The following GLIPR1 variants were observed in gnomAD, a reference collection of about 807,000 sequenced individuals.
The protein encoded by GLIPR1 is GLI pathogenesis related 1, also known as glioma pathogenesis-related protein 1.
In GLIPR1, 38 loss-of-function variants were observed where a neutral mutation model predicts 30.3. The ratio of observed to expected loss-of-function variants is 1.26; its 90% confidence interval spans 0.97 to 1.65. The LOEUF (loss-of-function observed/expected upper bound fraction) is 1.65, where lower values mean the gene tolerates loss of function less well. Ranked by LOEUF, GLIPR1 falls within the 40% of genes most tolerant of loss-of-function variation. The probability of loss-of-function intolerance (pLI) is 0.00; values close to 1 mark genes in which losing one functional copy is unlikely to be tolerated. For synonymous variants in GLIPR1, 122 were observed against 110.6 expected (o/e 1.10, Z -0.65); for missense variants, 285 against 326.5 (o/e 0.87, Z 0.98).
rs1017749974 is a variant in GLIPR1, at chr12:75,500,721, A to G, written c.*1743A>G. The G allele has an allele frequency of 9.2e-5, 14 of 152,026 alleles. No homozygotes were observed. Among genetic ancestry groups the G allele is most frequent in the African/African-American group, 3.1e-4 (13 of 41,424 alleles). The allele number at this position is 152,026 out of a possible 1,614,324, so 9.4% of individuals were successfully genotyped here. Reference sequence around the variant, plus strand: ...AAAAAGAATGCAACTTTTTCTTACCATTCAAAGTACAGGATCACAGCATAA... The same window carrying G: ...AAAAAGAATGCAACTTTTTCTTACCGTTCAAAGTACAGGATCACAGCATAA... On this transcript the variant is annotated 3_prime_UTR_variant, in exon 6 of 6. Transcript: ENST00000266659.
Position 75,488,551 on chromosome 12 carries a change from C to A in GLIPR1, c.421-1855C>A, listed in dbSNP as rs924196865. On this transcript the variant is annotated intron_variant, in intron 2 of 5. Transcript: ENST00000266659. ...AAACTCCGTCTCAAAAACAAACAAA[C>A]AAAAAAACAAAACCACAACAAAAAA... Among the ~76,000 whole-genome samples, 3 of 151,654 alleles carry A rather than the reference C, an allele frequency of 2.0e-5. No homozygotes were observed. The South Asian group carries it at 6.2e-4, about 31-fold the overall frequency.
At chr12:75,493,812 G>A (rs1472140046) in intron 3 of GLIPR1, 1 of 152,112 alleles carries the variant, frequency 6.6e-6, no homozygotes, top group African/African-American at 2.4e-5. Flanking sequence ...CCAGTAGCAT[G>A]TTTCTCCCAA....
intron 1 of GLIPR1, 21 bp downstream of exon 1, chr12:75,481,075 T>A (rs1175129597): frequency 6.3e-7 from 1 of 1,583,358 alleles, no homozygotes; most frequent in East Asian, 2.3e-5. Flanking sequence ...TATCATTAAT[T>A]GTGGCGTCAG....
At chr12:75,490,195 T>TCACACACACACACACAAACACA (rs2046313285) in intron 2 of GLIPR1, among the ~76,000 whole-genome samples, 1 of 141,608 alleles carries the variant, frequency 7.1e-6, no homozygotes, top group Non-Finnish European at 1.5e-5. Flanking sequence ...TTATCTTATT[T>TCACACACACACACACAAACACA]CACACACACA....
intron 2 of GLIPR1, chr12:75,487,797 G>A (rs906748413): frequency 5.0e-5 from 23 of 456,248 alleles, no homozygotes; most frequent in African/African-American, 3.4e-4. Flanking sequence ...AATCTCGCGC[G>A]AGAAAATCCA....
intron 2 of GLIPR1, among the ~76,000 whole-genome samples, chr12:75,485,534 T>C (rs1409077825): frequency 1.2e-4 from 1 of 8,022 alleles, no homozygotes; most frequent in Admixed American, 9.4e-4. Context: ...ACAGCTTTAT[T>C]TTATTTATTT....
chr12:75,481,843 C>T lies in GLIPR1; in HGVS notation c.184C>T (p.Pro62Ser), dbSNP rs201262620. 26 of 1,613,872 alleles carry T rather than the reference C, an allele frequency of 1.6e-5. No individual in the cohort carries two copies. The highest frequency in any genetic ancestry group is 1.8e-5 in the Non-Finnish European group (21 of 1,179,916). ...ATGTTTATTTTTGCAGACTTGGGAC[C>T]CAGCACTAGCCCAAATTGCAAAAGC... ...ASDMLYMTWD[P>S]ALAQIAKAWA... is the part of the protein sequence containing the mutation. The change falls in exon 2 of 6, where the codon CCA becomes TCA. Residue 62 changes from proline to serine, a missense_variant. Transcript: ENST00000266659.
chr12:75,491,700 A>G (rs888787602), intron 3 of GLIPR1: 1 of 152,156 alleles, frequency 6.6e-6, no homozygotes, highest in South Asian at 2.1e-4. Flanking sequence ...GATTACTAGT[A>G]ATTATAAATT....
Position 75,501,089 on chromosome 12 carries a change from G to GTTACT in GLIPR1, c.*2115_*2119dup, listed in dbSNP as rs1422082827. 6.6e-6 allele frequency: 1 copy of GTTACT among 152,116 alleles called. No individual in the cohort carries two copies. Among genetic ancestry groups the GTTACT allele is most frequent in the Non-Finnish European group, 1.5e-5 (1 of 68,036 alleles). 9.4% of individuals were successfully genotyped at this position (152,116 alleles called of 1,614,324 possible). A position where few individuals can be genotyped will look rare whatever the true frequency, so the allele number is the denominator to read the frequency against. ...AGTGTGTCACTGTTCACTTTGGAGG[G>GTTACT]TTACTTTAGGAAGAGGATAAGTGTT... is the stretch of plus-strand genomic sequence containing the variant. On this transcript the variant is annotated 3_prime_UTR_variant, in exon 6 of 6. Transcript: ENST00000266659.
At chr12:75,487,873 A>T in intron 2 of GLIPR1, 3 of 446,908 alleles carry the variant, frequency 6.7e-6, no homozygotes, top group South Asian at 4.8e-5. Context: ...TGGCTACTCC[A>T]TAGACAGAGC....
intron 3 of GLIPR1, chr12:75,493,680 C>T (rs574982739): frequency 6.6e-6 from 1 of 152,226 alleles, no homozygotes; most frequent in South Asian, 2.1e-4. Context: ...GGTCCCATAA[C>T]CCCAACCCTC....
In GLIPR1 at chr12:75,498,964, G is replaced by T. The variant is rs747895447; in HGVS notation, c.787G>T (p.Val263Phe). ...ILVQHKYPNL[V>F]LLD The stretch of plus-strand genomic sequence containing the variant: ...GGTACAGCACAAGTACCCTAATTTA[G>T]TTCTTTTGGACTAATACAATTCAGG... The change falls in exon 6 of 6, where the codon GTT (valine) becomes TTT (phenylalanine). Residue 263 changes from valine to phenylalanine, a missense_variant. Coordinates refer to ENST00000266659, the MANE Select transcript of GLIPR1 (RefSeq NM_006851.3). The T allele has an allele frequency of 1.3e-6, 2 of 1,593,910 alleles. No homozygotes were observed. Among genetic ancestry groups the T allele is most frequent in the South Asian group, 2.3e-5 (2 of 87,502 alleles).
chr12:75,487,489 C>T (rs781072822), intron 2 of GLIPR1, among the ~76,000 whole-genome samples: 2 of 152,198 alleles, frequency 1.3e-5, no homozygotes, highest in Admixed American at 6.5e-5. Context: ...TGGAGTTCCC[C>T]GCAGGGGGTT....
At chr12:75,484,328 TG>T (rs1180923179) in intron 2 of GLIPR1, 1 of 152,206 alleles carries the variant, frequency 6.6e-6, no homozygotes, top group Non-Finnish European at 1.5e-5. Flanking sequence ...CTCTCTACAC[TG>T]AAGACCTCAT....
chr12:75,501,148 T>A lies in GLIPR1; in HGVS notation c.*2170T>A, dbSNP rs1314349512. The A allele has an allele frequency of 6.6e-6, 1 of 152,306 alleles. No homozygotes were observed. The highest frequency in any genetic ancestry group is 2.4e-5 in the African/African-American group (1 of 41,404). 9.4% of individuals were successfully genotyped at this position (152,306 alleles called of 1,614,324 possible). ...GGAAAAAAATGCAGAAGAGGATGCATCAGAAGAAATGGCATGACAATGTTT... is the reference window on the plus strand; with the variant it reads ...GGAAAAAAATGCAGAAGAGGATGCAACAGAAGAAATGGCATGACAATGTTT... On this transcript the variant is annotated 3_prime_UTR_variant, in exon 6 of 6. Coordinates refer to ENST00000266659, the MANE Select transcript of GLIPR1 (RefSeq NM_006851.3).
chr12:75,482,565 G>A (rs1447702709), intron 2 of GLIPR1, among the ~76,000 whole-genome samples: 12 of 152,036 alleles, frequency 7.9e-5, no homozygotes, highest in Admixed American at 3.9e-4. Context: ...TAGGCACCAC[G>A]CACGGTGCTA....
At position 75,501,543 on chromosome 12, in the gene GLIPR1, A is replaced by AT. The variant is rs1340071360; in HGVS notation, c.*2567dup. ...CAATCCAGTTTGCACTGAAATAGGC[A>AT]TTAGCTGCCTCTAAATTATAAATTA... On this transcript the variant is annotated 3_prime_UTR_variant, in exon 6 of 6. Transcript: ENST00000266659. The AT allele has an allele frequency of 5.4e-5, 31 of 572,840 alleles. No homozygotes were observed. The South Asian group carries it at 6.2e-4, about 11-fold the overall frequency. 35.5% of individuals were successfully genotyped at this position (572,840 alleles called of 1,614,324 possible). A position where few individuals can be genotyped will look rare whatever the true frequency, so the allele number is the denominator to read the frequency against.
chr12:75,491,332 A>G (rs1474602192), intron 3 of GLIPR1: 2 of 152,200 alleles, frequency 1.3e-5, no homozygotes, highest in East Asian at 3.8e-4. Context: ...AACCTGCCCA[A>G]AGTTCTACAG....
At position 75,503,782 on chromosome 12, in the gene GLIPR1, G is replaced by A; in HGVS notation, c.*4804G>A. On this transcript the variant is annotated 3_prime_UTR_variant, in exon 6 of 6. Coordinates refer to ENST00000266659, the MANE Select transcript of GLIPR1 (RefSeq NM_006851.3). ...TTTACCCTCAGTTTCTTATAGCTCT[G>A]CACACACACACACAATATATATATA... is the stretch of plus-strand genomic sequence containing the variant. 4.8e-6 allele frequency: 4 copies of A among 841,604 alleles called. No homozygotes were observed. The highest frequency in any genetic ancestry group is 5.4e-6 in the Non-Finnish European group (3 of 557,836). 52.1% of individuals were successfully genotyped at this position (841,604 alleles called of 1,614,324 possible).
Sources: gnomAD v4.1 joint callset for allele counts (sites outside exome capture counted in the v4.1 genomes callset) on GRCh38, gnomAD v4.1.1 for gene constraint, MANE v1.5 for transcripts, NCBI Gene and HGNC (gene_info 2026-07-23, HGNC 2026-07-21) for gene names.